The following EYS variants were observed in gnomAD, a reference collection of about 807,000 sequenced individuals.
EYS encodes the protein EGF-like photoreceptor maintenance factor.
In EYS, 250 loss-of-function variants were observed where a neutral mutation model predicts 282.1. The observed-to-expected ratio is 0.89, with a 90% CI of 0.80 to 0.98. The LOEUF (loss-of-function observed/expected upper bound fraction) is 0.98, where lower values mean the gene tolerates loss of function less well. EYS is among the 50% of genes least tolerant of loss of function. The pLI, the probability that EYS is intolerant of heterozygous loss-of-function variation, is 0.00. For missense variants in EYS, 4,016 were observed against 3,709.0 expected (o/e 1.08, Z -2.15); for synonymous variants, 1,355 against 1,282.9 (o/e 1.06, Z -1.20).
intron 2 of EYS, among the ~76,000 whole-genome samples, chr6:65,519,704 ATATATTTTTTT>A (rs1414403337): frequency 5.5e-5 from 2 of 36,240 alleles, no homozygotes; most frequent in African/African-American, 1.5e-4. Flanking sequence ...ATATATATAT[ATATATTTTTTT>A]TTTTTTTTTT....
At chr6:64,091,269 C>T (rs1772348053) in intron 31 of EYS, among the ~76,000 whole-genome samples, 1 of 152,164 alleles carries the variant, frequency 6.6e-6, no homozygotes, top group Non-Finnish European at 1.5e-5. Context: ...TCTTCAGACA[C>T]ATTGCCGTTG....
chr6:65,046,598 A>G (rs777911747), intron 13 of EYS, among the ~76,000 whole-genome samples: 3 of 151,906 alleles, frequency 2.0e-5, no homozygotes, highest in Non-Finnish European at 4.4e-5. Flanking sequence ...TTCCAAGAAT[A>G]ATTTTTGATG....
At chr6:65,669,259 T>C (rs1371529535) in intron 1 of EYS, among the ~76,000 whole-genome samples, 2 of 151,934 alleles carry the variant, frequency 1.3e-5, no homozygotes, top group Non-Finnish European at 2.9e-5. Context: ...TGAATCCTCA[T>C]ATATAAACAA....
Position 64,056,551 on chromosome 6 carries a change from T to TA in EYS, c.6725+9786dup, listed in dbSNP as rs541691103. Among the ~76,000 whole-genome samples, 555 of 152,336 alleles carry TA rather than the reference T, an allele frequency of 3.6e-3. 3 individuals carry two copies. Among genetic ancestry groups the TA allele is most frequent in the African/African-American group, 0.013 (523 of 41,582 alleles). Reference sequence around the variant, plus strand: ...GTGTTTCTATTACTTTCCCTGAGGCTAAGGTGCCAGACGAATTGGGATTCT... The same window carrying TA: ...GTGTTTCTATTACTTTCCCTGAGGCTAAAGGTGCCAGACGAATTGGGATTCT... On this transcript the variant is annotated intron_variant, in intron 33 of 42. Coordinates refer to ENST00000503581, the MANE Select transcript of EYS (RefSeq NM_001142800.2).
rs1324696948 is a variant in EYS at position 64,948,871 on chromosome 6, CAG to C, written c.2260-2959_2260-2958del. Among the ~76,000 whole-genome samples the C allele has an allele frequency of 2.0e-5, 3 of 151,714 alleles. No homozygotes were observed. In the East Asian group the frequency reaches 5.8e-4, roughly 29 times the overall value. ...GAAAATATGCATGTGACAGGAAAGACAGATGATAAAAACACAGGTCTACAATA... is the reference window on the plus strand; with the variant it reads ...GAAAATATGCATGTGACAGGAAAGACATGATAAAAACACAGGTCTACAATA... On this transcript the variant is annotated intron_variant, in intron 14 of 42. Transcript: ENST00000503581.
At chr6:64,194,480 T>G (rs1055208075) in intron 31 of EYS, among the ~76,000 whole-genome samples, 1 of 152,206 alleles carries the variant, frequency 6.6e-6, no homozygotes, top group African/African-American at 2.4e-5. Flanking sequence ...TCTAAATATA[T>G]TTTTTGTTGT....
At chr6:65,464,468 A>G (rs1041717612) in intron 5 of EYS, among the ~76,000 whole-genome samples, 1 of 152,212 alleles carries the variant, frequency 6.6e-6, no homozygotes. Flanking sequence ...AAATAAGACT[A>G]AAGTTTGTAA....
intron 26 of EYS, among the ~76,000 whole-genome samples, chr6:64,513,461 G>A (rs537705760): frequency 4.0e-4 from 61 of 151,960 alleles, no homozygotes; most frequent in African/African-American, 1.4e-3. Context: ...TGAATTCTGA[G>A]ACCTATAAAC....
chr6:64,864,847 C>G (rs1201967083), intron 19 of EYS, among the ~76,000 whole-genome samples: 2 of 151,596 alleles, frequency 1.3e-5, no homozygotes, highest in Non-Finnish European at 2.9e-5. Context: ...ACCAGCCTGG[C>G]CAACATGGTG....
intron 22 of EYS, among the ~76,000 whole-genome samples, chr6:64,789,243 G>C (rs1030071693): frequency 1.3e-5 from 2 of 152,076 alleles, no homozygotes; most frequent in African/African-American, 2.4e-5. Flanking sequence ...CTAATTCCTA[G>C]AAATACTTTC....
At chr6:64,537,252 G>A (rs1238243616) in intron 26 of EYS, among the ~76,000 whole-genome samples, 4 of 143,650 alleles carry the variant, frequency 2.8e-5, no homozygotes, top group Non-Finnish European at 6.0e-5. Flanking sequence ...GTGAGAATAT[G>A]CGGTGTTTGG....
chr6:64,004,150 A>C (rs1413293403), intron 33 of EYS, among the ~76,000 whole-genome samples: 1 of 152,090 alleles, frequency 6.6e-6, no homozygotes, highest in Admixed American at 6.5e-5. Flanking sequence ...CTCTTAAAAA[A>C]ATCTTCCCTT....
chr6:64,596,246 TG>T (rs34746704), intron 24 of EYS, among the ~76,000 whole-genome samples: 65,054 of 151,872 alleles, frequency 0.43, 13,943 homozygotes, highest in South Asian at 0.53. Context: ...ACATGAGATT[TG>T]GGCAGGGTCA....
intron 2 of EYS, among the ~76,000 whole-genome samples, chr6:65,545,490 A>G (rs1768350805): frequency 6.6e-6 from 1 of 152,170 alleles, no homozygotes; most frequent in Non-Finnish European, 1.5e-5. Flanking sequence ...TCATGTCAAT[A>G]TAAATAATCT....
Position 65,494,966 on chromosome 6 carries a change from T to A in EYS, c.445A>T (p.Ile149Phe). Residue 149 changes from isoleucine (I) to phenylalanine (F), a missense_variant, in exon 4 of 43, where the codon ATC becomes TTC. Transcript: ENST00000503581. ...GATGGACCACTTGCCATAACTGTGA[T>A]AAAATAATGTGTCCCAACACTCAGC... is the stretch of plus-strand genomic sequence containing the variant. ...KWLSVGTHYF[I>F]TVMASGPSPC... 6.2e-7 allele frequency: 1 copy of A among 1,614,164 alleles called. No homozygotes were observed. The highest frequency in any genetic ancestry group is 8.5e-7 in the Non-Finnish European group (1 of 1,180,020).
chr6:65,488,834 T>A (rs9363378), intron 5 of EYS, among the ~76,000 whole-genome samples: 1 of 151,734 alleles, frequency 6.6e-6, no homozygotes, highest in Non-Finnish European at 1.5e-5. Context: ...ACATCTACCA[T>A]CATCTGGTCT....
chr6:64,428,626 C>G (rs549706214), intron 28 of EYS, among the ~76,000 whole-genome samples: 25 of 152,170 alleles, frequency 1.6e-4, no homozygotes, highest in Non-Finnish European at 2.5e-4. Flanking sequence ...TGTTGAGCCT[C>G]TAAAGGGCAT....
chr6:64,398,858 G>T (rs1039058637), intron 28 of EYS, among the ~76,000 whole-genome samples: 1 of 151,776 alleles, frequency 6.6e-6, no homozygotes, highest in African/African-American at 2.4e-5. Flanking sequence ...AGAAAAAATG[G>T]TTCAACATTT....
rs186044667 is a variant in EYS at position 65,579,625 on chromosome 6, C to T, written c.-333+60153G>A. Among the ~76,000 whole-genome samples the T allele has an allele frequency of 9.9e-5, 15 of 152,190 alleles. No homozygotes were observed. The East Asian group carries it at 2.7e-3, about 28-fold the overall frequency. On this transcript the variant is annotated intron_variant, in intron 2 of 42. Coordinates refer to ENST00000503581, the MANE Select transcript of EYS (RefSeq NM_001142800.2). ...CTCCATGAGGCCCCACGTGGCCTTA[C>T]CTATGTATGTGCTATGGAGGCAGAG...
Sources: allele counts gnomAD v4.1 joint callset (sites outside exome capture counted in the v4.1 genomes callset), GRCh38; gene constraint gnomAD v4.1.1; transcripts MANE v1.5; gene names NCBI Gene and HGNC (gene_info 2026-07-23, HGNC 2026-07-21).